Variants in SLC25A13 observed in about 807,000 individuals in gnomAD.
SLC25A13 encodes solute carrier family 25 member 13, also known as electrogenic aspartate/glutamate antiporter SLC25A13, mitochondrial.
SLC25A13 carries 70 observed loss-of-function variants against 85.5 expected under a neutral mutation model. The ratio of observed to expected loss-of-function variants is 0.82; its 90% CI spans 0.68 to 1.00. The LOEUF is 1.00. SLC25A13 is among the 50% of genes least tolerant of loss of function. The pLI is 0.00. For synonymous variants in SLC25A13, 259 were observed against 288.7 expected (o/e 0.90, Z 1.04); for missense variants, 765 against 819.8 (o/e 0.93, Z 0.82).
At chr7:96,286,568 G>C (rs751438168) in intron 2 of SLC25A13, among the ~76,000 whole-genome samples, 1 of 152,158 alleles carries the variant, frequency 6.6e-6, no homozygotes, top group Non-Finnish European at 1.5e-5. Context: ...TCCATAGAAA[G>C]ATATAATTAG....
At chr7:96,229,250 G>C (rs1209455347) in intron 4 of SLC25A13, among the ~76,000 whole-genome samples, 5 of 152,178 alleles carry the variant, frequency 3.3e-5, no homozygotes, top group Non-Finnish European at 2.9e-5. Context: ...TCTGTATCTA[G>C]CTAATCTGAT....
intron 2 of SLC25A13, among the ~76,000 whole-genome samples, chr7:96,281,061 G>A (rs996509693): frequency 6.6e-6 from 1 of 152,096 alleles, no homozygotes; most frequent in African/African-American, 2.4e-5. Context: ...GGCTTGTGGT[G>A]AATTCACACA....
intron 3 of SLC25A13, among the ~76,000 whole-genome samples, chr7:96,256,803 G>A (rs1226439241): frequency 6.6e-6 from 1 of 151,940 alleles, no homozygotes; most frequent in Admixed American, 6.6e-5. Context: ...TTCTAAAATC[G>A]ACCACATAAT....
At chr7:96,169,921 T>C (rs1303100948) in intron 13 of SLC25A13, 124 bp downstream of exon 13, 23 of 984,134 alleles carry the variant, frequency 2.3e-5, no homozygotes, top group Non-Finnish European at 3.8e-5. Context: ...GGTGCCCTAG[T>C]AGACTCTGCC....
intron 9 of SLC25A13, among the ~76,000 whole-genome samples, chr7:96,186,772 T>G (rs1794660719): frequency 6.6e-6 from 1 of 152,228 alleles, no homozygotes; most frequent in Non-Finnish European, 1.5e-5. Flanking sequence ...TTGTACCTAT[T>G]TAAATGTTTG....
At chr7:96,253,738 A>G (rs1331084722) in intron 3 of SLC25A13, among the ~76,000 whole-genome samples, 2 of 152,218 alleles carry the variant, frequency 1.3e-5, no homozygotes, top group Non-Finnish European at 2.9e-5. Context: ...CGGTATTCTG[A>G]GAGTAAAGTT....
At position 96,202,543 on chromosome 7, in the gene SLC25A13, C is replaced by T. The variant is rs905065748; in HGVS notation, c.468+6295G>A. On this transcript the variant is annotated intron_variant, in intron 5 of 17. Transcript: ENST00000265631. ...CTCAAAATCAGGCCTCTCCACAATTCAGAGCATTGCAATTTCTGGATGATG... is the reference window on the plus strand; with the variant it reads ...CTCAAAATCAGGCCTCTCCACAATTTAGAGCATTGCAATTTCTGGATGATG... 1.6e-3 allele frequency among the ~76,000 whole-genome samples: 9 copies of T among 5,526 alleles called. No homozygotes were observed. The East Asian group carries it at 0.13, about 82-fold the overall frequency. The allele number at this position is 5,526 out of a possible 152,430, so 3.6% of individuals were successfully genotyped here. A position where few individuals can be genotyped will look rare whatever the true frequency, so the allele number is the denominator to read the frequency against.
At chr7:96,267,990 A>G (rs1798100188) in intron 3 of SLC25A13, among the ~76,000 whole-genome samples, 1 of 152,124 alleles carries the variant, frequency 6.6e-6, no homozygotes, top group Non-Finnish European at 1.5e-5. Flanking sequence ...GAGGTTCCAC[A>G]CTGGAGATGA....
intron 11 of SLC25A13, among the ~76,000 whole-genome samples, chr7:96,182,719 T>C (rs1416888889): frequency 6.6e-6 from 1 of 152,138 alleles, no homozygotes; most frequent in Non-Finnish European, 1.5e-5. Flanking sequence ...AAATCAGACC[T>C]GCCAGGTATG....
intron 3 of SLC25A13, among the ~76,000 whole-genome samples, chr7:96,271,952 C>G (rs1656808448): frequency 6.6e-6 from 1 of 152,016 alleles, no homozygotes; most frequent in Admixed American, 6.6e-5. Context: ...ATGGTGTGAT[C>G]TTGGCTCACT....
chr7:96,307,114 A>T (rs1799774465), intron 1 of SLC25A13, among the ~76,000 whole-genome samples: 1 of 148,660 alleles, frequency 6.7e-6, no homozygotes, highest in Non-Finnish European at 1.5e-5. Context: ...TGTGGGGCTT[A>T]AAAGTATAAA....
chr7:96,243,109 G>A (rs1797053849), intron 3 of SLC25A13, among the ~76,000 whole-genome samples: 1 of 152,150 alleles, frequency 6.6e-6, no homozygotes. Flanking sequence ...GGGATTACAG[G>A]CGTGCGCCAC....
intron 5 of SLC25A13, among the ~76,000 whole-genome samples, chr7:96,204,476 G>A (rs1795382989): frequency 6.6e-6 from 1 of 152,008 alleles, no homozygotes; most frequent in African/African-American, 2.4e-5. Flanking sequence ...GGCATTCAAA[G>A]TTGTAGCGAG....
At chr7:96,247,239 T>C (rs937133651) in intron 3 of SLC25A13, among the ~76,000 whole-genome samples, 3 of 152,172 alleles carry the variant, frequency 2.0e-5, no homozygotes, top group Non-Finnish European at 4.4e-5. Flanking sequence ...ATAGCAAACA[T>C]TAACATGAAC....
chr7:96,223,789 GAAAAAAAAAAAA>G (rs56882933), intron 4 of SLC25A13, among the ~76,000 whole-genome samples: 51,846 of 96,716 alleles, frequency 0.54, 10,430 homozygotes, highest in East Asian at 0.68. Context: ...CTCCATCTCT[GAAAAAAAAAAAA>G]AAAAAAAAAA....
chr7:96,295,477 T>C (rs4518578), intron 2 of SLC25A13, among the ~76,000 whole-genome samples: 98,920 of 152,090 alleles, frequency 0.65, 32,447 homozygotes, highest in Non-Finnish European at 0.67. Flanking sequence ...TTTCCTCAAC[T>C]CAACAAAACT....
At chr7:96,258,513 T>C (rs1584523596) in intron 3 of SLC25A13, among the ~76,000 whole-genome samples, 3 of 152,148 alleles carry the variant, frequency 2.0e-5, no homozygotes, top group Admixed American at 1.3e-4. Flanking sequence ...ACAAGGGATG[T>C]GAAGGACCTC....
chr7:96,291,941 C>CA (rs905113836), intron 2 of SLC25A13, among the ~76,000 whole-genome samples: 48 of 152,170 alleles, frequency 3.2e-4, no homozygotes, highest in Non-Finnish European at 7.3e-5. Flanking sequence ...GGCCAGCCAT[C>CA]ATCCTGATAC....
intron 5 of SLC25A13, among the ~76,000 whole-genome samples, chr7:96,206,478 T>C (rs958104883): frequency 6.6e-6 from 1 of 151,950 alleles, no homozygotes; most frequent in Admixed American, 6.5e-5. Context: ...AAACATGAAA[T>C]GGAAGGAAGG....
Sources: allele counts gnomAD v4.1 joint callset (sites outside exome capture counted in the v4.1 genomes callset), GRCh38; gene constraint gnomAD v4.1.1; transcripts MANE v1.5; gene names NCBI Gene and HGNC (gene_info 2026-07-23, HGNC 2026-07-21).